RING1: variants seen among roughly 807,000 people sequenced by gnomAD.
RING1 encodes the protein ring finger protein 1.
In RING1, 8 loss-of-function variants were observed where a neutral mutation model predicts 35.0. The observed-to-expected ratio is 0.23, with a 90% confidence interval of 0.13 to 0.41. The LOEUF is 0.41. Among genes scored for constraint, RING1 ranks in the 10% least tolerant of loss-of-function variants. The pLI, the probability that RING1 is intolerant of heterozygous loss-of-function variation, is 1.00. For missense variants in RING1, 343 were observed against 546.8 expected, an observed-to-expected ratio of 0.63 and a Z score of 3.72; for synonymous variants, 214 against 224.3, an observed-to-expected ratio of 0.95 and a Z score of 0.41.
chr6:33,211,916 C>A lies in RING1; in HGVS notation c.1033C>A (p.Pro345Thr), dbSNP rs1775568031. 1.9e-6 allele frequency: 3 copies of A among 1,598,034 alleles called. No homozygotes were observed. The highest frequency in any genetic ancestry group is 2.2e-5 in the South Asian group (2 of 89,616). The change falls in exon 6 of 7, where the codon CCT becomes ACT. Residue 345 changes from proline to threonine, a missense_variant. Pro to Thr is a conservative substitution (Grantham distance 38). This residue lies in a region of RING1 where 278 missense variants were observed against 383.5 expected (regional missense o/e 0.72). Transcript: ENST00000374656. This position sits in a 1 kb window ranked among gnomAD's most constrained non-coding sequence, Gnocchi z 6.3. ...EGGGAGGGDGPEEPALPSLEG... is the reference protein window; with the variant it reads ...EGGGAGGGDGTEEPALPSLEG... ...TGGGGGTGCCGGAGGAGGTGACGGT[C>A]CTGAGGAGCCTGCTTTGCCCAGCCT... is the stretch of plus-strand genomic sequence containing the variant.
In RING1 at chr6:33,211,515, G is replaced by C; in HGVS notation, c.813G>C (p.Leu271=). 6.2e-7 allele frequency: 1 copy of C among 1,612,250 alleles called. No homozygotes were observed. The change falls in exon 5 of 7, where the codon CTG becomes CTC. Residue 271 remains leucine, a synonymous_variant. Transcript: ENST00000374656. The surrounding 1 kb of genome is among the most constrained non-coding windows in gnomAD (Gnocchi z 6.3). The part of the protein sequence containing the change: ...EIELVFRPHP[L]LVEKGEYCQT... ...AGCTCGTGTTCCGGCCCCACCCCCT[G>C]CTCGTGGAGAAGGGAGAATACTGCC...
rs1775302082 is a variant in RING1 at position 33,208,643 on chromosome 6, G to A, written c.-60G>A. On this transcript the variant is annotated splice_region_variant and 5_prime_UTR_variant, in exon 1 of 7. Transcript: ENST00000374656. This position sits in a 1 kb window ranked among gnomAD's most constrained non-coding sequence, Gnocchi z 6.2. ...GGCGGGAGCGCGAACGGCTGGAGCT[G>A]GGTGAGGGGCAGTGCCGGCGCGGGG... 1 of 571,614 alleles carries A rather than the reference G, an allele frequency of 1.7e-6. No individual in the cohort carries two copies. Among genetic ancestry groups the A allele is most frequent in the Non-Finnish European group, 3.0e-6 (1 of 331,896 alleles). The allele number at this position is 571,614 out of a possible 1,614,324, so 35.4% of individuals were successfully genotyped here.
rs374501579 is a variant in RING1 at position 33,211,768 on chromosome 6, C to T, written c.885C>T (p.Leu295=). 44 of 1,566,608 alleles carry T rather than the reference C, an allele frequency of 2.8e-5. No individual in the cohort carries two copies. The highest frequency in any genetic ancestry group is 3.6e-5 in the Non-Finnish European group (42 of 1,154,694). The change falls in exon 6 of 7, where the codon CTC becomes CTT. Residue 295 remains leucine (L), a synonymous_variant. Coordinates refer to ENST00000374656, the MANE Select transcript of RING1 (RefSeq NM_002931.4). This position sits in a 1 kb window ranked among gnomAD's most constrained non-coding sequence, Gnocchi z 6.3. The part of the protein sequence containing the change: ...KTTGNATVDH[L]SKYLALRIAL... ...CTGGGAATGCCACAGTGGACCACCT[C>T]TCCAAGTACTTGGCCCTGCGCATTG... is the stretch of plus-strand genomic sequence containing the variant.
rs1301435989 is a variant in RING1, at chr6:33,211,127, G to A, written c.456-31G>A. The A allele has an allele frequency of 7.1e-6, 11 of 1,539,958 alleles. No individual in the cohort carries two copies. The South Asian group carries it at 1.4e-4, about 19-fold the overall frequency. On this transcript the variant is annotated intron_variant, in intron 4 of 6. Transcript: ENST00000374656. This position sits in a 1 kb window ranked among gnomAD's most constrained non-coding sequence, Gnocchi z 6.3. ...AAAGTCTAAGCCCTTTATCCTGGAT[G>A]CCTTCTAACCTTAACCACTTGCTTC... is the stretch of plus-strand genomic sequence containing the variant.
At position 33,212,555 on chromosome 6, in the gene RING1, A is replaced by G; in HGVS notation, c.*156A>G. 1.7e-6 allele frequency: 1 copy of G among 603,850 alleles called. No individual in the cohort carries two copies. The highest frequency in any genetic ancestry group is 2.8e-5 in the East Asian group (1 of 36,258). 37.4% of individuals were successfully genotyped at this position (603,850 alleles called of 1,614,324 possible). ...GGCTTTTATACAAAGTATCTATATG[A>G]GATTCTTCTATATTGTACAGAGTGG... On this transcript the variant is annotated 3_prime_UTR_variant, in exon 7 of 7. Coordinates refer to ENST00000374656, the MANE Select transcript of RING1 (RefSeq NM_002931.4).
chr6:33,208,913 C>G lies in RING1; in HGVS notation c.78+13C>G, dbSNP rs1775338589. 2 of 1,606,814 alleles carry G rather than the reference C, an allele frequency of 1.2e-6. No homozygotes were observed. The highest frequency in any genetic ancestry group is 1.7e-6 in the Non-Finnish European group (2 of 1,175,652). ...CCGGACCCCGCAGGTGACAGGCATT[C>G]TCCCTTTCAGGCTTACCCCCTCCCC... On this transcript the variant is annotated intron_variant, in intron 2 of 6. Transcript: ENST00000374656. The surrounding 1 kb of genome is among the most constrained non-coding windows in gnomAD (Gnocchi z 6.2).
chr6:33,209,470 T>A lies in RING1; in HGVS notation c.79-156T>A, dbSNP rs950959369. 5.9e-5 allele frequency: 40 copies of A among 682,190 alleles called. No homozygotes were observed. The East Asian group carries it at 9.7e-4, about 17-fold the overall frequency. 42.3% of individuals were successfully genotyped at this position (682,190 alleles called of 1,614,324 possible). On this transcript the variant is annotated intron_variant, in intron 2 of 6. Coordinates refer to ENST00000374656, the MANE Select transcript of RING1 (RefSeq NM_002931.4). The surrounding 1 kb of genome is among the most constrained non-coding windows in gnomAD (Gnocchi z 5.1). ...CTGTCTTTTCTCCATTTGCTCCAAG[T>A]CATCAGTCCTTCTCTTTCTCAGAAT...
At position 33,208,609 on chromosome 6, in the gene RING1, C is replaced by A; in HGVS notation, c.-94C>A. 2 of 530,008 alleles carry A rather than the reference C, an allele frequency of 3.8e-6. No individual in the cohort carries two copies. Among genetic ancestry groups the A allele is most frequent in the South Asian group, 2.6e-5 (1 of 38,634 alleles). 32.8% of individuals were successfully genotyped at this position (530,008 alleles called of 1,614,324 possible). On this transcript the variant is annotated 5_prime_UTR_variant, in exon 1 of 7. Coordinates refer to ENST00000374656, the MANE Select transcript of RING1 (RefSeq NM_002931.4). This position sits in a 1 kb window ranked among gnomAD's most constrained non-coding sequence, Gnocchi z 6.2. ...CCAGGAGCCCGGGCCTAGGGAGAGG[C>A]GCGGCGGCGGCGGGAGCGCGAACGG...
Position 33,211,464 on chromosome 6 carries a change from C to T in RING1, c.762C>T (p.Ser254=), listed in dbSNP as rs900280949. The change falls in exon 5 of 7, where the codon AGC becomes AGT. Residue 254 remains serine (S), a synonymous_variant. Transcript: ENST00000374656. The surrounding 1 kb of genome is among the most constrained non-coding windows in gnomAD (Gnocchi z 6.3). ...LGPPSPPGAP[S]PPEPGGEIEL... ...CCCCAAGCCCTCCTGGGGCCCCCAG[C>T]CCCCCAGAGCCAGGTGGAGAAATTG... The T allele has an allele frequency of 1.9e-5, 30 of 1,600,154 alleles. No individual in the cohort carries two copies. Among genetic ancestry groups the T allele is most frequent in the Middle Eastern group, 1.7e-4 (1 of 6,042 alleles).
chr6:33,210,148 G>C lies in RING1; in HGVS notation c.455+18G>C. 1 of 1,610,698 alleles carries C rather than the reference G, an allele frequency of 6.2e-7. No individual in the cohort carries two copies. The highest frequency in any genetic ancestry group is 1.1e-5 in the South Asian group (1 of 90,900). On this transcript the variant is annotated intron_variant, in intron 4 of 6. Transcript: ENST00000374656. The stretch of plus-strand genomic sequence containing the variant: ...ATGCACAGGTGTGAGGGTCAGGAGA[G>C]AAGCAGAACTGATGGGATGGGTCCG...
rs1198970055 is a variant in RING1 at position 33,212,280 on chromosome 6, C to A, written c.1120-18C>A. 6.5e-7 allele frequency: 1 copy of A among 1,527,718 alleles called. No homozygotes were observed. The highest frequency in any genetic ancestry group is 8.9e-7 in the Non-Finnish European group (1 of 1,121,900). 94.6% of individuals were successfully genotyped at this position (1,527,718 alleles called of 1,614,324 possible). A position where few individuals can be genotyped will look rare whatever the true frequency, so the allele number is the denominator to read the frequency against. ...TTCCTCTCTCTTTTCCCCTCTCTCC[C>A]TTTTACCCCCTCCTCAGACGTTGAA... is the stretch of plus-strand genomic sequence containing the variant. On this transcript the variant is annotated intron_variant, in intron 6 of 6. Transcript: ENST00000374656.
chr6:33,212,217 T>G, intron 6 of RING1, 81 bp from the exon 7 acceptor site: 1 of 1,083,064 alleles, frequency 9.2e-7, no homozygotes. Flanking sequence ...TGGTCACCTT[T>G]TGCCTCTCAT....
chr6:33,211,311 C>T lies in RING1; in HGVS notation c.609C>T (p.Pro203=). 2 of 1,611,204 alleles carry T rather than the reference C, an allele frequency of 1.2e-6. No individual in the cohort carries two copies. The highest frequency in any genetic ancestry group is 1.7e-6 in the Non-Finnish European group (2 of 1,179,244). ...DSAPGPAPKR[P]RGGGAGGSSV... Reference sequence around the variant, plus strand: ...CCCCAGGCCCTGCTCCCAAGCGACCCCGTGGAGGGGGCGCAGGGGGGAGCA... The same window carrying T: ...CCCCAGGCCCTGCTCCCAAGCGACCTCGTGGAGGGGGCGCAGGGGGGAGCA... Residue 203 remains proline, a synonymous_variant, in exon 5 of 7, where the codon CCC becomes CCT. Transcript: ENST00000374656. This position sits in a 1 kb window ranked among gnomAD's most constrained non-coding sequence, Gnocchi z 6.3.
Position 33,209,601 on chromosome 6 carries a change from C to T in RING1, c.79-25C>T, listed in dbSNP as rs1422968833. On this transcript the variant is annotated intron_variant, in intron 2 of 6. Transcript: ENST00000374656. The surrounding 1 kb of genome is among the most constrained non-coding windows in gnomAD (Gnocchi z 5.1). Reference sequence around the variant, plus strand: ...ACCCCTTTCCCTCTAACCCACACCACCTTTCTACTCACTGATGCCTTCAGG... The same window carrying T: ...ACCCCTTTCCCTCTAACCCACACCATCTTTCTACTCACTGATGCCTTCAGG... 1 of 1,607,608 alleles carries T rather than the reference C, an allele frequency of 6.2e-7. No homozygotes were observed. Among genetic ancestry groups the T allele is most frequent in the African/African-American group, 1.3e-5 (1 of 74,810 alleles).
chr6:33,212,273 T>A, intron 6 of RING1, 25 bp from the exon 7 acceptor site: 1 of 1,463,444 alleles, frequency 6.8e-7, no homozygotes, highest in Non-Finnish European at 9.4e-7. Context: ...TCTTTTCCCC[T>A]CTCTCCCTTT....
chr6:33,209,480 TTC>T lies in RING1; in HGVS notation c.79-142_79-141del. Reference sequence around the variant, plus strand: ...TCCATTTGCTCCAAGTCATCAGTCCTTCTCTTTCTCAGAATTCTTGTCTCCTA... The same window carrying T: ...TCCATTTGCTCCAAGTCATCAGTCCTTCTTTCTCAGAATTCTTGTCTCCTA... On this transcript the variant is annotated intron_variant, in intron 2 of 6. Coordinates refer to ENST00000374656, the MANE Select transcript of RING1 (RefSeq NM_002931.4). The surrounding 1 kb of genome is among the most constrained non-coding windows in gnomAD (Gnocchi z 5.1). 1.4e-6 allele frequency: 1 copy of T among 735,524 alleles called. No homozygotes were observed. The highest frequency in any genetic ancestry group is 2.2e-6 in the Non-Finnish European group (1 of 449,410). The allele number at this position is 735,524 out of a possible 1,614,324, so 45.6% of individuals were successfully genotyped here. A position where few individuals can be genotyped will look rare whatever the true frequency, so the allele number is the denominator to read the frequency against.
Position 33,210,055 on chromosome 6 carries a change from G to A in RING1, c.380G>A (p.Arg127His), listed in dbSNP as rs1484062961. The stretch of plus-strand genomic sequence containing the variant: ...GCCCATCAAGACCGAGTGCTTATCC[G>A]CCTGAGCCGCCTGCACAACCAGCAG... ...YEAHQDRVLI[R>H]LSRLHNQQAL... The change falls in exon 4 of 7, where the codon CGC becomes CAC. Residue 127 changes from arginine (R) to histidine (H), a missense_variant. Coordinates refer to ENST00000374656, the MANE Select transcript of RING1 (RefSeq NM_002931.4). 6.2e-6 allele frequency: 10 copies of A among 1,614,174 alleles called. No individual in the cohort carries two copies. The highest frequency in any genetic ancestry group is 1.7e-5 in the Admixed American group (1 of 60,014).
intron 6 of RING1, 124 bp downstream of exon 6, chr6:33,212,126 TA>T (rs1403095122): frequency 1.1e-6 from 1 of 890,014 alleles, no homozygotes; most frequent in Non-Finnish European, 1.7e-6. Context: ...TATCTCTTTC[TA>T]TGTCCCCTCT....
chr6:33,212,079 G>A, intron 6 of RING1, 77 bp downstream of exon 6: 1 of 1,185,902 alleles, frequency 8.4e-7, no homozygotes, highest in Non-Finnish European at 1.2e-6. Context: ...CCATGAGCCT[G>A]GTCTAACTCA....
Sources: gnomAD v4.1 joint callset for allele counts on GRCh38, gnomAD v4.1.1 for gene constraint, gnomAD v4.1.1 regional missense constraint, Gnocchi (gnomAD v3.1) non-coding constraint, MANE v1.5 for transcripts, NCBI Gene and HGNC (gene_info 2026-07-23, HGNC 2026-07-21) for gene names.